The following SMOC2 variants were observed in gnomAD, a reference collection of about 807,000 sequenced individuals.
The protein encoded by SMOC2 is SPARC related modular calcium binding 2.
Under a neutral mutation model 61.4 loss-of-function variants are expected in SMOC2, and 39 were observed. That is an observed-to-expected ratio of 0.64 (90% CI 0.49 to 0.83). The LOEUF (loss-of-function observed/expected upper bound fraction) is 0.83. SMOC2 is among the 40% of genes least tolerant of loss of function. The pLI is 0.00. For missense variants in SMOC2, 556 were observed against 592.9 expected, an observed-to-expected ratio of 0.94 and a Z score of 0.65; for synonymous variants, 247 against 239.9, an observed-to-expected ratio of 1.03 and a Z score of -0.27.
chr6:168,588,865 G>A (rs1884472), intron 7 of SMOC2, among the ~76,000 whole-genome samples: 32,235 of 151,946 alleles, frequency 0.21, 3,789 homozygotes, highest in South Asian at 0.28. Context: ...GGTCAGGGGC[G>A]GATCACTTGA....
intron 1 of SMOC2, among the ~76,000 whole-genome samples, chr6:168,446,567 G>A (rs1253164369): frequency 2.6e-5 from 4 of 152,198 alleles, no homozygotes; most frequent in Non-Finnish European, 4.4e-5. Context: ...TGTAACATAT[G>A]TACAACAGTT....
At chr6:168,470,573 A>C (rs1293425614) in intron 1 of SMOC2, among the ~76,000 whole-genome samples, 1 of 152,132 alleles carries the variant, frequency 6.6e-6, no homozygotes, top group Non-Finnish European at 1.5e-5. Flanking sequence ...GCAACTTAGG[A>C]GGCTGAGGTG....
In SMOC2 at chr6:168,579,119, G is replaced by A. The variant is rs1784870500; in HGVS notation, c.638-19699G>A. Among the ~76,000 whole-genome samples, 3 of 152,370 alleles carry A rather than the reference G, an allele frequency of 2.0e-5. No homozygotes were observed. In the South Asian group the frequency reaches 6.2e-4, roughly 32 times the overall value. On this transcript the variant is annotated intron_variant, in intron 7 of 12. Coordinates refer to ENST00000356284, the MANE Select transcript of SMOC2 (RefSeq NM_001166412.2). ...CAACCTGAGAACACATGGCTAGTAA[G>A]AATTCAAACCGGGTGGCCCTTATCC...
rs144529543 is a variant in SMOC2, at chr6:168,616,075, G to A, written c.907+7836G>A. 5.7e-3 allele frequency among the ~76,000 whole-genome samples: 875 copies of A among 152,316 alleles called. 15 individuals carry two copies. The highest frequency in any genetic ancestry group is 0.02 in the African/African-American group (819 of 41,564). On this transcript the variant is annotated intron_variant, in intron 9 of 12. Coordinates refer to ENST00000356284, the MANE Select transcript of SMOC2 (RefSeq NM_001166412.2). ...CTACAAAGCAGACAGGAGCCGGCCA[G>A]GACCTCGCTTGGTGGCCTTTGAGAG...
chr6:168,503,366 C>T (rs547422981), intron 1 of SMOC2, among the ~76,000 whole-genome samples: 1 of 152,098 alleles, frequency 6.6e-6, no homozygotes, highest in Admixed American at 6.5e-5. Context: ...GTGTGAGCCA[C>T]CATGCCTGGC....
chr6:168,655,389 G>C (rs191373771), intron 11 of SMOC2: 2 of 456,500 alleles, frequency 4.4e-6, no homozygotes, highest in Non-Finnish European at 8.8e-6. Context: ...CTACCCAACC[G>C]TGACAGGAAG....
chr6:168,471,920 T>G (rs1271767226), intron 1 of SMOC2, among the ~76,000 whole-genome samples: 2 of 152,256 alleles, frequency 1.3e-5, no homozygotes, highest in East Asian at 3.8e-4. Flanking sequence ...TTGACTTGTA[T>G]AAGTTCTTTG....
At chr6:168,519,437 G>C (rs771141374) in intron 2 of SMOC2, among the ~76,000 whole-genome samples, 1 of 152,170 alleles carries the variant, frequency 6.6e-6, no homozygotes, top group Non-Finnish European at 1.5e-5. Flanking sequence ...ACTCTACCCA[G>C]AGTATGTTTA....
chr6:168,507,407 T>C (rs553368036), intron 1 of SMOC2, among the ~76,000 whole-genome samples: 1 of 152,352 alleles, frequency 6.6e-6, no homozygotes, highest in East Asian at 1.9e-4. Context: ...TCTTTCTCAG[T>C]GCAAAGCTGT....
At chr6:168,621,533 A>C (rs1003992081) in intron 9 of SMOC2, among the ~76,000 whole-genome samples, 7 of 152,254 alleles carry the variant, frequency 4.6e-5, no homozygotes, top group Non-Finnish European at 1.0e-4. Context: ...GCTGCTATGA[A>C]GAAATACCCA....
intron 9 of SMOC2, among the ~76,000 whole-genome samples, chr6:168,611,734 T>A (rs960731143): frequency 6.9e-6 from 1 of 144,794 alleles, no homozygotes; most frequent in Non-Finnish European, 1.5e-5. Flanking sequence ...CGGGCCTGGC[T>A]GTGGCTCCCA....
At chr6:168,587,602 C>T (rs1319423646) in intron 7 of SMOC2, among the ~76,000 whole-genome samples, 1 of 152,210 alleles carries the variant, frequency 6.6e-6, no homozygotes. Flanking sequence ...GGAACAGTCG[C>T]TTCCGCCCTA....
chr6:168,442,251 G>A (rs1465529406), intron 1 of SMOC2, among the ~76,000 whole-genome samples: 1 of 152,388 alleles, frequency 6.6e-6, no homozygotes, highest in African/African-American at 2.4e-5. Context: ...TCCTGAGCGC[G>A]AGGGTCACCG....
chr6:168,579,105 C>T (rs1186994561), intron 7 of SMOC2, among the ~76,000 whole-genome samples: 1 of 152,234 alleles, frequency 6.6e-6, no homozygotes, highest in Non-Finnish European at 1.5e-5. Context: ...AACCTGAGAA[C>T]ACATGGCTAG....
chr6:168,635,812 A>G lies in SMOC2; in HGVS notation c.908-14869A>G, dbSNP rs182257550. Among the ~76,000 whole-genome samples, 735 of 150,970 alleles carry G rather than the reference A, an allele frequency of 4.9e-3. 5 individuals are homozygous for G. The highest frequency in any genetic ancestry group is 0.014 in the Middle Eastern group (4 of 282). On this transcript the variant is annotated intron_variant, in intron 9 of 12. Transcript: ENST00000356284. ...CTTGAACCCGGGAGGCAGAGCTTGC[A>G]GTGAGCTGAGATCGCACCACTGCAC... is the stretch of plus-strand genomic sequence containing the variant.
chr6:168,448,959 C>G (rs1372157963), intron 1 of SMOC2, among the ~76,000 whole-genome samples: 1 of 152,126 alleles, frequency 6.6e-6, no homozygotes, highest in Non-Finnish European at 1.5e-5. Context: ...TGATGCCCTG[C>G]TTGCATTTGG....
At chr6:168,634,419 T>A (rs1458077747) in intron 9 of SMOC2, among the ~76,000 whole-genome samples, 1 of 152,196 alleles carries the variant, frequency 6.6e-6, no homozygotes, top group Non-Finnish European at 1.5e-5. Flanking sequence ...ATAACCTTCT[T>A]ATGGGGATAT....
intron 7 of SMOC2, among the ~76,000 whole-genome samples, chr6:168,575,462 T>C (rs1583125003): frequency 6.6e-6 from 1 of 152,022 alleles, no homozygotes; most frequent in East Asian, 1.9e-4. Context: ...GTGAGCAGGG[T>C]GTGGGGACCC....
chr6:168,635,751 A>G (rs1786699303), intron 9 of SMOC2, among the ~76,000 whole-genome samples: 1 of 151,846 alleles, frequency 6.6e-6, no homozygotes, highest in African/African-American at 2.4e-5. Flanking sequence ...GGTGCCTGTA[A>G]TCCCAGCTAC....
Sources: allele counts gnomAD v4.1 joint callset (sites outside exome capture counted in the v4.1 genomes callset), GRCh38; gene constraint gnomAD v4.1.1; transcripts MANE v1.5; gene names NCBI Gene and HGNC (gene_info 2026-07-23, HGNC 2026-07-21).